Variants in ZBTB8B observed in about 807,000 individuals in gnomAD.
The protein encoded by ZBTB8B is zinc finger and BTB domain-containing protein 8B.
ZBTB8B carries 17 observed loss-of-function variants against 30.3 expected under a neutral mutation model. That is an observed-to-expected ratio of 0.56 (90% CI 0.38 to 0.84). The LOEUF (loss-of-function observed/expected upper bound fraction) is 0.84, where lower values mean the gene tolerates loss of function less well. ZBTB8B is among the 40% of genes least tolerant of loss of function. The pLI, the probability that ZBTB8B is intolerant of heterozygous loss-of-function variation, is 0.00. For missense variants in ZBTB8B, 515 were observed against 644.9 expected (o/e 0.80, Z 2.18); for synonymous variants, 248 against 255.6 (o/e 0.97, Z 0.28).
rs372755871 is a variant in ZBTB8B at position 32,496,138 on chromosome 1, C to T, written c.*10720C>T. ...CCGTTTTTCCCACTTTTTTGTCCCA[C>T]GGTCTTAGGACCAACAATTTAGTAA... is the stretch of plus-strand genomic sequence containing the variant. On this transcript the variant is annotated 3_prime_UTR_variant, in exon 4 of 4. Transcript: ENST00000609129. The T allele has an allele frequency of 4.5e-4, 69 of 152,272 alleles. No homozygotes were observed. The highest frequency in any genetic ancestry group is 1.6e-3 in the African/African-American group (66 of 41,568). 9.4% of individuals were successfully genotyped at this position (152,272 alleles called of 1,614,324 possible).
At chr1:32,470,209 A>G (rs558819779) in intron 1 of ZBTB8B, among the ~76,000 whole-genome samples, 1 of 152,286 alleles carries the variant, frequency 6.6e-6, no homozygotes, top group East Asian at 1.9e-4. Flanking sequence ...TTTTTAAAAG[A>G]AATCTTATTG....
At chr1:32,473,614 G>C (rs1382563270) in intron 2 of ZBTB8B, among the ~76,000 whole-genome samples, 1 of 150,498 alleles carries the variant, frequency 6.6e-6, no homozygotes, top group East Asian at 2.0e-4. Context: ...CCGAGCTCAA[G>C]TGATCCTCCC....
intron 2 of ZBTB8B, among the ~76,000 whole-genome samples, chr1:32,475,911 A>G (rs1643661875): frequency 1.4e-5 from 2 of 144,406 alleles, no homozygotes; most frequent in Admixed American, 7.2e-5. Context: ...TCCGCCTCCC[A>G]GGTTCAAGTG....
At position 32,471,072 on chromosome 1, in the gene ZBTB8B, G is replaced by A. The variant is rs1643615526; in HGVS notation, c.448G>A (p.Ala150Thr). ...AAAAAAAAAA[A>T]AAAHQVDSES... Reference sequence around the variant, plus strand: ...AGCGGCGGCGGCTGCAGCGGCGGCAGCAGCGGCGGCTCATCAGGTTGACAG... The same window carrying A: ...AGCGGCGGCGGCTGCAGCGGCGGCAACAGCGGCGGCTCATCAGGTTGACAG... The change falls in exon 2 of 4, where the codon GCA (alanine) becomes ACA (threonine). Residue 150 changes from alanine to threonine, a missense_variant. Ala to Thr is a moderately conservative substitution (Grantham distance 58). Transcript: ENST00000609129. 6.5e-7 allele frequency: 1 copy of A among 1,545,122 alleles called. No homozygotes were observed. Among genetic ancestry groups the A allele is most frequent in the Non-Finnish European group, 8.7e-7 (1 of 1,145,762 alleles).
intron 1 of ZBTB8B, among the ~76,000 whole-genome samples, chr1:32,468,298 C>T (rs191518386): frequency 6.6e-6 from 1 of 152,254 alleles, no homozygotes; most frequent in East Asian, 1.9e-4. Context: ...GGTGGTATGG[C>T]AGCAACATCC....
In ZBTB8B at chr1:32,470,951, C is replaced by T. The variant is rs1157279873; in HGVS notation, c.327C>T (p.Asp109=). 3 of 1,552,132 alleles carry T rather than the reference C, an allele frequency of 1.9e-6. No individual in the cohort carries two copies. The highest frequency in any genetic ancestry group is 2.4e-5 in the East Asian group (1 of 40,944). ...CTGCCAGCTACCTGCAGATGAATGA[C>T]GTGGTGAACTTCTGCAAGACATACA... ...MSAASYLQMN[D]VVNFCKTYIR... is the part of the protein sequence containing the mutation. Residue 109 remains aspartate (D), a synonymous_variant, in exon 2 of 4, where the codon GAC becomes GAT. Transcript: ENST00000609129.
In ZBTB8B at chr1:32,487,376, T is replaced by A. The variant is rs894339038; in HGVS notation, c.*1958T>A. On this transcript the variant is annotated 3_prime_UTR_variant, in exon 4 of 4. Coordinates refer to ENST00000609129, the MANE Select transcript of ZBTB8B (RefSeq NM_001145720.2). ...AGAAATGTTGATAACACTTTGACAT[T>A]GCTGTGACTCATGGCTTTGTCTTCT... 6 of 152,242 alleles carry A rather than the reference T, an allele frequency of 3.9e-5. No homozygotes were observed. The highest frequency in any genetic ancestry group is 7.3e-5 in the Non-Finnish European group (5 of 68,058). 9.4% of individuals were successfully genotyped at this position (152,242 alleles called of 1,614,324 possible).
In ZBTB8B at chr1:32,494,385, C is replaced by T. The variant is rs1643801869; in HGVS notation, c.*8967C>T. The T allele has an allele frequency of 6.6e-6, 1 of 152,058 alleles. No individual in the cohort carries two copies. Among genetic ancestry groups the T allele is most frequent in the Non-Finnish European group, 1.5e-5 (1 of 68,018 alleles). The allele number at this position is 152,058 out of a possible 1,614,324, so 9.4% of individuals were successfully genotyped here. The stretch of plus-strand genomic sequence containing the variant: ...CAGGCCAGTCCTGATAATAGACAGA[C>T]ATGTTTGGGCAGGCAGAAAAGACCA... On this transcript the variant is annotated 3_prime_UTR_variant, in exon 4 of 4. Transcript: ENST00000609129.
rs1171948072 is a variant in ZBTB8B at position 32,470,843 on chromosome 1, T to C, written c.219T>C (p.Ser73=). The C allele has an allele frequency of 1.9e-6, 3 of 1,551,942 alleles. No homozygotes were observed. The highest frequency in any genetic ancestry group is 2.6e-6 in the Non-Finnish European group (3 of 1,147,028). The change falls in exon 2 of 4, where the codon TCT becomes TCC. Residue 73 remains serine, a synonymous_variant. Transcript: ENST00000609129. ...CCGCCTCCTTGGACATTGTCACCTC[T>C]GATGCCTTCTCCATCATCTTAGATT... ...HSTASLDIVT[S]DAFSIILDFL...
intron 1 of ZBTB8B, 46 bp from the exon 2 acceptor site, chr1:32,470,538 T>G: frequency 1.6e-6 from 2 of 1,232,806 alleles, no homozygotes; most frequent in Non-Finnish European, 2.2e-6. Context: ...AAATCTTGTT[T>G]GTAAAGGTTG....
rs1191112860 is a variant in ZBTB8B at position 32,495,116 on chromosome 1, T to C, written c.*9698T>C. ...CGGCCTCTAACTGATTTTTGAAATA[T>C]AAATTGGGTGTGATTCAGGGAATGT... On this transcript the variant is annotated 3_prime_UTR_variant, in exon 4 of 4. Transcript: ENST00000609129. 6.6e-6 allele frequency: 1 copy of C among 152,188 alleles called. No individual in the cohort carries two copies. Among genetic ancestry groups the C allele is most frequent in the African/African-American group, 2.4e-5 (1 of 41,456 alleles). 9.4% of individuals were successfully genotyped at this position (152,188 alleles called of 1,614,324 possible). A position where few individuals can be genotyped will look rare whatever the true frequency, so the allele number is the denominator to read the frequency against.
rs1454560561 is a variant in ZBTB8B at position 32,496,070 on chromosome 1, AAGAGAACTATT to A, written c.*10657_*10667del. 6.6e-6 allele frequency: 1 copy of A among 152,194 alleles called. No individual in the cohort carries two copies. Among genetic ancestry groups the A allele is most frequent in the Non-Finnish European group, 1.5e-5 (1 of 68,030 alleles). 9.4% of individuals were successfully genotyped at this position (152,194 alleles called of 1,614,324 possible). A position where few individuals can be genotyped will look rare whatever the true frequency, so the allele number is the denominator to read the frequency against. The stretch of plus-strand genomic sequence containing the variant: ...AGGAAAAAAATAACCCCACAAAATA[AAGAGAACTATT>A]AGAGCTCTAAACAGAAGAAGCTTCC... On this transcript the variant is annotated 3_prime_UTR_variant, in exon 4 of 4. Transcript: ENST00000609129.
At chr1:32,479,265 C>T (rs1204544307) in intron 2 of ZBTB8B, among the ~76,000 whole-genome samples, 2 of 152,208 alleles carry the variant, frequency 1.3e-5, no homozygotes, top group African/African-American at 4.8e-5. Flanking sequence ...TGGCTCATGC[C>T]TGTAATCCCA....
intron 2 of ZBTB8B, among the ~76,000 whole-genome samples, chr1:32,479,712 T>A (rs994668274): frequency 6.6e-6 from 1 of 152,050 alleles, no homozygotes; most frequent in Non-Finnish European, 1.5e-5. Flanking sequence ...ATCCAAGGAG[T>A]ATCCTGGAAC....
At chr1:32,483,064 G>A (rs1480151893) in intron 3 of ZBTB8B, among the ~76,000 whole-genome samples, 2 of 151,134 alleles carry the variant, frequency 1.3e-5, no homozygotes, top group African/African-American at 4.9e-5. Context: ...AGCCCCTATC[G>A]GCTGGAGTTC....
Position 32,484,400 on chromosome 1 carries a change from G to A in ZBTB8B, c.1171-701G>A, listed in dbSNP as rs1643728557. The stretch of plus-strand genomic sequence containing the variant: ...GAAGTATGGGTGAGAATCGCTAGGT[G>A]GAGGCCCTAACTGGCCTAGAGCATC... On this transcript the variant is annotated intron_variant, in intron 3 of 3. Coordinates refer to ENST00000609129, the MANE Select transcript of ZBTB8B (RefSeq NM_001145720.2). This position sits in a 1 kb window ranked among gnomAD's most constrained non-coding sequence, Gnocchi z 4.5. Among the ~76,000 whole-genome samples the A allele has an allele frequency of 6.6e-6, 1 of 152,128 alleles. No homozygotes were observed. Among genetic ancestry groups the A allele is most frequent in the Non-Finnish European group, 1.5e-5 (1 of 68,042 alleles).
rs144113042 is a variant in ZBTB8B at position 32,468,659 on chromosome 1, G to A, written c.-41-1925G>A. On this transcript the variant is annotated intron_variant, in intron 1 of 3. Transcript: ENST00000609129. ...TGATAAAGGGAGACCAGTCTTGTTC[G>A]TGACCAGCCTGGGTAACACAGTGAA... Among the ~76,000 whole-genome samples the A allele has an allele frequency of 4.4e-3, 670 of 152,190 alleles. 8 individuals carry two copies. Among genetic ancestry groups the A allele is most frequent in the African/African-American group, 0.015 (613 of 41,530 alleles).
Position 32,471,292 on chromosome 1 carries a change from C to T in ZBTB8B, c.668C>T (p.Pro223Leu). ...GGSADSNLST[P>L]PKRIEPKVEF... Reference sequence around the variant, plus strand: ...TCGGCTGACAGCAACCTCTCTACTCCACCCAAACGGATAGAGCCCAAGGTG... The same window carrying T: ...TCGGCTGACAGCAACCTCTCTACTCTACCCAAACGGATAGAGCCCAAGGTG... Residue 223 changes from proline (P) to leucine (L), a missense_variant, in exon 2 of 4, where the codon CCA (proline) becomes CTA (leucine). Coordinates refer to ENST00000609129, the MANE Select transcript of ZBTB8B (RefSeq NM_001145720.2). 1 of 1,551,808 alleles carries T rather than the reference C, an allele frequency of 6.4e-7. No homozygotes were observed. Among genetic ancestry groups the T allele is most frequent in the South Asian group, 1.2e-5 (1 of 84,062 alleles).
In ZBTB8B at chr1:32,480,900, T is replaced by C; in HGVS notation, c.1001T>C (p.Leu334Pro). The change falls in exon 3 of 4, where the codon CTG (leucine) becomes CCG (proline). Residue 334 changes from leucine (L) to proline (P), a missense_variant. Transcript: ENST00000609129. ...GCATTTGGTTCCCCAGGTGATGTGC[T>C]GGTGGTCCCCATCAAGCTCCACAAG... is the stretch of plus-strand genomic sequence containing the variant. ...DWYGEDSGDV[L>P]VVPIKLHKCP... 1.3e-6 allele frequency: 2 copies of C among 1,551,520 alleles called. No individual in the cohort carries two copies. Among genetic ancestry groups the C allele is most frequent in the Non-Finnish European group, 1.7e-6 (2 of 1,146,806 alleles).
Sources: allele counts gnomAD v4.1 joint callset (sites outside exome capture counted in the v4.1 genomes callset), GRCh38; gene constraint gnomAD v4.1.1; non-coding constraint Gnocchi (gnomAD v3.1); transcripts MANE v1.5; gene names NCBI Gene and HGNC (gene_info 2026-07-23, HGNC 2026-07-21).